The following MTFR1 variants were observed in gnomAD, a reference collection of about 807,000 sequenced individuals.
MTFR1 encodes the protein chondrocyte protein with a poly-proline region.
A neutral mutation model predicts 38.8 loss-of-function variants in MTFR1; 28 were observed. The ratio of observed to expected loss-of-function variants is 0.72; its 90% CI spans 0.53 to 0.99. The LOEUF (loss-of-function observed/expected upper bound fraction) is 0.99, where lower values mean the gene tolerates loss of function less well. MTFR1 is among the 50% of genes least tolerant of loss of function. MTFR1 has a pLI of 0.00. For missense variants in MTFR1, 358 were observed against 395.5 expected, an observed-to-expected ratio of 0.91 and a Z score of 0.81; for synonymous variants, 145 against 137.0, an observed-to-expected ratio of 1.06 and a Z score of -0.41.
chr8:65,653,266 T>C (rs113075282), intron 1 of MTFR1, among the ~76,000 whole-genome samples: 16,707 of 152,236 alleles, frequency 0.11, 1,139 homozygotes, highest in Middle Eastern at 0.17. Flanking sequence ...CCCAGCACTT[T>C]GGGAGGCCGA....
chr8:65,730,330 G>A (rs562334031), intron 3 of MTFR1, among the ~76,000 whole-genome samples: 28 of 151,264 alleles, frequency 1.9e-4, no homozygotes, highest in South Asian at 4.2e-4. Flanking sequence ...ACAGGCATGC[G>A]CCACCACAAC....
chr8:65,762,433 G>A (rs1024091343), intron 3 of MTFR1, among the ~76,000 whole-genome samples: 3 of 152,162 alleles, frequency 2.0e-5, no homozygotes, highest in Non-Finnish European at 4.4e-5. Context: ...TGGAGAGGCA[G>A]AGCAGCAAAG....
At chr8:65,656,045 T>G (rs535623264) in intron 1 of MTFR1, among the ~76,000 whole-genome samples, 3 of 132,470 alleles carry the variant, frequency 2.3e-5, no homozygotes, top group Non-Finnish European at 4.7e-5. Context: ...TAAAAAAAAA[T>G]TATAGCCAGG....
chr8:65,732,136 T>C lies in MTFR1; in HGVS notation c.*48+12655T>C, dbSNP rs554020523. ...GTCTCAGCCTCCCAGGTAGCTGGGA[T>C]TACAGGCACCCGCCACCATGCCCAG... On this transcript the variant is annotated intron_variant, in intron 3 of 3. Transcript: ENST00000521247. Among the ~76,000 whole-genome samples, 5 of 152,052 alleles carry C rather than the reference T, an allele frequency of 3.3e-5. No individual in the cohort carries two copies. The South Asian group carries it at 6.2e-4, about 19-fold the overall frequency.
At chr8:65,693,889 GTCT>G in intron 4 of MTFR1, 130 bp downstream of exon 4, 1 of 697,988 alleles carries the variant, frequency 1.4e-6, no homozygotes, top group Non-Finnish European at 2.4e-6. Context: ...TTCTTGAACA[GTCT>G]TCTTTTCTGT....
intron 2 of MTFR1, chr8:65,719,301 G>T (rs765174760): frequency 6.2e-7 from 1 of 1,612,818 alleles, no homozygotes; most frequent in Non-Finnish European, 8.5e-7. Context: ...TATGATAACC[G>T]ATTTTCCTGA....
chr8:65,754,615 C>CA, intron 3 of MTFR1, among the ~76,000 whole-genome samples: 1 of 150,014 alleles, frequency 6.7e-6, no homozygotes, highest in East Asian at 2.1e-4. Context: ...GGATTACAGG[C>CA]TGAGCCACCA....
At chr8:65,712,126 T>A (rs1805963352), downstream of MTFR1, among the ~76,000 whole-genome samples, 1 of 152,214 alleles carries the variant, frequency 6.6e-6, no homozygotes, top group Non-Finnish European at 1.5e-5. Flanking sequence ...CAGATACACT[T>A]TTTATCGAAA....
chr8:65,655,969 C>CATATATATATATATATATATA, intron 1 of MTFR1, among the ~76,000 whole-genome samples: 1 of 56,474 alleles, frequency 1.8e-5, no homozygotes, highest in African/African-American at 1.0e-4. Context: ...TATATATATA[C>CATATATATATATATATATATA]CATATATATA....
At chr8:65,657,548 T>A (rs909115370) in intron 1 of MTFR1, among the ~76,000 whole-genome samples, 7 of 151,644 alleles carry the variant, frequency 4.6e-5, no homozygotes, top group African/African-American at 7.3e-5. Flanking sequence ...AAAAAAAATT[T>A]AAAAAAATAG....
chr8:65,705,401 G>C (rs1257431064), intron 5 of MTFR1, among the ~76,000 whole-genome samples: 1 of 152,218 alleles, frequency 6.6e-6, no homozygotes, highest in Non-Finnish European at 1.5e-5. Context: ...GTCAGGTTTA[G>C]ATGGTGTTCA....
At chr8:65,745,752 G>T (rs1807644410) in intron 3 of MTFR1, among the ~76,000 whole-genome samples, 1 of 152,162 alleles carries the variant, frequency 6.6e-6, no homozygotes, top group Admixed American at 6.5e-5. Flanking sequence ...AAACCTTTAA[G>T]AATTCTAGTA....
intron 2 of MTFR1, among the ~76,000 whole-genome samples, chr8:65,680,215 G>T (rs1161991772): frequency 1.3e-5 from 2 of 152,160 alleles, no homozygotes; most frequent in Non-Finnish European, 2.9e-5. Flanking sequence ...TTAGGCTGGA[G>T]TGCAGTGGTG....
At chr8:65,755,177 C>T (rs981484293) in intron 3 of MTFR1, among the ~76,000 whole-genome samples, 13 of 151,358 alleles carry the variant, frequency 8.6e-5, no homozygotes, top group East Asian at 6.0e-4. Flanking sequence ...CATGCCACCA[C>T]GCCCGGCTAA....
chr8:65,703,419 GTTTTTTTTTTTT>G lies in MTFR1; in HGVS notation c.282-1254_282-1243del, dbSNP rs553260839. On this transcript the variant is annotated intron_variant, in intron 4 of 7. Coordinates refer to ENST00000262146, the MANE Select transcript of MTFR1 (RefSeq NM_014637.4). ...GGTACATCCATGCTTGATGTCTCTG[GTTTTTTTTTTTT>G]TTTTTTTTTTTTTTTTTTTTGAGAT... Among the ~76,000 whole-genome samples, 258 of 50,948 alleles carry G rather than the reference GTTTTTTTTTTTT, an allele frequency of 5.1e-3. 2 individuals carry two copies. Among genetic ancestry groups the G allele is most frequent in the Non-Finnish European group, 7.2e-3 (208 of 29,088 alleles). The allele number at this position is 50,948 out of a possible 152,430, so 33.4% of individuals were successfully genotyped here.
chr8:65,733,670 G>A (rs941219305), intron 3 of MTFR1, among the ~76,000 whole-genome samples: 3 of 152,060 alleles, frequency 2.0e-5, no homozygotes, highest in Non-Finnish European at 2.9e-5. Context: ...TGTCAAAACC[G>A]TACACATAAA....
rs78364957 is a variant in MTFR1 at position 65,685,247 on chromosome 8, T to C, written c.165+2796T>C. Among the ~76,000 whole-genome samples, 528 of 152,276 alleles carry C rather than the reference T, an allele frequency of 3.5e-3. 9 individuals are homozygous for C. The highest frequency in any genetic ancestry group is 0.029 in the East Asian group (148 of 5,172). On this transcript the variant is annotated intron_variant, in intron 3 of 7. Transcript: ENST00000262146. ...ATCTGGAGTCCAATGTGGGTAAATA[T>C]TATTATTGAAAGTCTGAGACTGAGA...
At chr8:65,652,329 G>A (rs1809145740) in intron 1 of MTFR1, among the ~76,000 whole-genome samples, 1 of 152,052 alleles carries the variant, frequency 6.6e-6, no homozygotes, top group Admixed American at 6.6e-5. Flanking sequence ...GGCCTCAAGT[G>A]ATCCTCCTGC....
intron 1 of MTFR1, among the ~76,000 whole-genome samples, chr8:65,666,111 A>T (rs112338543): frequency 1.8e-3 from 276 of 152,328 alleles, no homozygotes; most frequent in African/African-American, 6.1e-3. Context: ...AAAATATTAA[A>T]ATAGAAAACA....
Sources: gnomAD v4.1 joint callset for allele counts (sites outside exome capture counted in the v4.1 genomes callset) on GRCh38, gnomAD v4.1.1 for gene constraint, MANE v1.5 for transcripts, NCBI Gene and HGNC (gene_info 2026-07-23, HGNC 2026-07-21) for gene names.